Variants in BABAM1 observed in about 807,000 individuals in gnomAD.
BABAM1 encodes BRISC and BRCA1-A complex member 1.
BABAM1 carries 14 observed loss-of-function variants against 34.4 expected under a neutral mutation model. That is an observed-to-expected ratio of 0.41 (90% CI 0.27 to 0.64). The LOEUF (loss-of-function observed/expected upper bound fraction) is 0.64, where lower values mean the gene tolerates loss of function less well. Among genes scored for constraint, BABAM1 ranks in the 30% least tolerant of loss-of-function variants. The probability of loss-of-function intolerance (pLI) is 0.34; values close to 1 mark genes in which losing one functional copy is unlikely to be tolerated. For synonymous variants in BABAM1, 169 were observed against 165.8 expected (o/e 1.02, Z -0.15); for missense variants, 393 against 434.0 (o/e 0.91, Z 0.84).
Position 17,278,864 on chromosome 19 carries a change from G to A in BABAM1, c.806G>A (p.Gly269Asp), listed in dbSNP as rs746072916. 3 of 1,613,010 alleles carry A rather than the reference G, an allele frequency of 1.9e-6. No homozygotes were observed. The highest frequency in any genetic ancestry group is 2.2e-5 in the South Asian group (2 of 90,848). ...MSWKDMFAFM[G>D]SLDTKGTSYK... ...CGGCAGGATATGTTTGCCTTCATGG[G>A]CAGCCTGGATACCAAGGGTACCAGC... Residue 269 changes from glycine to aspartate, a missense_variant, in exon 9 of 9, where the codon GGC becomes GAC. Physicochemically the swap from Gly to Asp is moderately conservative, Grantham distance 94 (BLOSUM62 -1). Transcript: ENST00000598188.
Position 17,278,870 on chromosome 19 carries a change from T to C in BABAM1, c.812T>C (p.Leu271Pro). The change falls in exon 9 of 9, where the codon CTG (leucine) becomes CCG (proline). Residue 271 changes from leucine (L) to proline (P), a missense_variant. Leu to Pro is a moderately conservative substitution (Grantham distance 98, BLOSUM62 -3). Coordinates refer to ENST00000598188, the MANE Select transcript of BABAM1 (RefSeq NM_014173.4). ...GATATGTTTGCCTTCATGGGCAGCC[T>C]GGATACCAAGGGTACCAGCTACAAG... ...WKDMFAFMGS[L>P]DTKGTSYKYE... The C allele has an allele frequency of 2.5e-6, 4 of 1,613,374 alleles. No individual in the cohort carries two copies. Among genetic ancestry groups the C allele is most frequent in the Non-Finnish European group, 3.4e-6 (4 of 1,179,744 alleles).
chr19:17,275,933 C>A, intron 6 of BABAM1, 108 bp downstream of exon 6: 2 of 1,262,098 alleles, frequency 1.6e-6, no homozygotes, highest in Non-Finnish European at 1.2e-6. Flanking sequence ...AAAGCCTCCT[C>A]CCTTCCTACC....
At chr19:17,273,806 A>G in intron 3 of BABAM1, 98 bp from the exon 4 acceptor site, 1 of 1,434,130 alleles carries the variant, frequency 7.0e-7, no homozygotes, top group South Asian at 1.4e-5. Context: ...CTCGTGATCC[A>G]CCTGCCTCAG....
intron 5 of BABAM1, 37 bp from the exon 6 acceptor site, chr19:17,275,764 C>A: frequency 6.2e-7 from 1 of 1,613,406 alleles, no homozygotes. Context: ...CCCGCTCACT[C>A]GTGCTCTACT....
At chr19:17,276,662 C>T in intron 7 of BABAM1, 38 bp downstream of exon 7, 2 of 1,580,572 alleles carry the variant, frequency 1.3e-6, no homozygotes, top group Non-Finnish European at 1.7e-6. Context: ...TGCCTGCAGC[C>T]ATGAGGATGG....
At chr19:17,276,683 C>A (rs1255220351) in intron 7 of BABAM1, 59 bp downstream of exon 7, 2 of 1,566,584 alleles carry the variant, frequency 1.3e-6, no homozygotes, top group Non-Finnish European at 1.7e-6. Flanking sequence ...TGGTTAGACA[C>A]CAGGAGGGAC....
In BABAM1 at chr19:17,274,035, G is replaced by C; in HGVS notation, c.465+11G>C. ...GATGACACGGCCTGGGTGAGGCTGC[G>C]GCAGGCGCTGGGTGCCCTGGGGTCC... On this transcript the variant is annotated intron_variant, in intron 4 of 8. Coordinates refer to ENST00000598188, the MANE Select transcript of BABAM1 (RefSeq NM_014173.4). The C allele has an allele frequency of 1.9e-6, 3 of 1,613,856 alleles. No individual in the cohort carries two copies. Among genetic ancestry groups the C allele is most frequent in the Non-Finnish European group, 2.5e-6 (3 of 1,179,836 alleles).
At chr19:17,269,508 G>A (rs973669755) in intron 2 of BABAM1, among the ~76,000 whole-genome samples, 6 of 151,460 alleles carry the variant, frequency 4.0e-5, no homozygotes, top group African/African-American at 1.2e-4. Context: ...CCACCACAAC[G>A]CCCGGCTAAT....
intron 2 of BABAM1, among the ~76,000 whole-genome samples, chr19:17,270,010 A>G (rs1402543832): frequency 6.6e-5 from 10 of 150,552 alleles, no homozygotes; most frequent in Non-Finnish European, 1.5e-4. Context: ...GGCTCACTGC[A>G]AGCTCTGCCT....
intron 3 of BABAM1, among the ~76,000 whole-genome samples, chr19:17,272,398 C>T (rs1003746983): frequency 6.6e-6 from 1 of 151,572 alleles, no homozygotes; most frequent in Non-Finnish European, 1.5e-5. Context: ...GAGCGAGACC[C>T]TGTCCCTTTT....
At position 17,269,100 on chromosome 19, in the gene BABAM1, AGG is replaced by A; in HGVS notation, c.285+13_285+14del. The A allele has an allele frequency of 6.3e-7, 1 of 1,591,090 alleles. No homozygotes were observed. Among genetic ancestry groups the A allele is most frequent in the South Asian group, 1.1e-5 (1 of 88,468 alleles). ...ACTGTCCAGAGAAAGTGGTAAGTAG[AGG>A]GGGTGGCCTGGGGCTCTGAGATGCT... On this transcript the variant is annotated intron_variant, in intron 2 of 8. Transcript: ENST00000598188.
intron 2 of BABAM1, among the ~76,000 whole-genome samples, chr19:17,269,422 C>T (rs1255396285): frequency 2.7e-5 from 4 of 146,564 alleles, no homozygotes; most frequent in Non-Finnish European, 4.4e-5. Flanking sequence ...ACGATCTTGG[C>T]TCACTGCAAC....
chr19:17,276,831 C>G lies in BABAM1; in HGVS notation c.708C>G (p.Phe236Leu). Residue 236 changes from phenylalanine (F) to leucine (L), a missense_variant, in exon 8 of 9, where the codon TTC (phenylalanine) becomes TTG (leucine). Phe to Leu is a conservative substitution (Grantham distance 22). Coordinates refer to ENST00000598188, the MANE Select transcript of BABAM1 (RefSeq NM_014173.4). ...FSLTEPMKKM[F>L]QCPYFFFDVV... ...CTTTACTTCCCCTGCAGAAAATGTT[C>G]CAGTGCCCATATTTCTTCTTTGACG... 3 of 1,603,760 alleles carry G rather than the reference C, an allele frequency of 1.9e-6. No individual in the cohort carries two copies. The highest frequency in any genetic ancestry group is 2.6e-6 in the Non-Finnish European group (3 of 1,175,118).
intron 8 of BABAM1, 133 bp from the exon 9 acceptor site, chr19:17,278,712 G>T: frequency 1.2e-6 from 1 of 800,164 alleles, no homozygotes. Context: ...GTTTCTGCTT[G>T]GCAAACTCCT....
chr19:17,274,069 C>A, intron 4 of BABAM1, 38 bp from the exon 5 acceptor site: 1 of 1,613,750 alleles, frequency 6.2e-7, no homozygotes, highest in African/African-American at 1.3e-5. Context: ...CCCCTGGGGC[C>A]CGGGGAGCAT....
At chr19:17,270,524 C>CTTTTT (rs955870596) in intron 2 of BABAM1, among the ~76,000 whole-genome samples, 7 of 125,880 alleles carry the variant, frequency 5.6e-5, no homozygotes, top group Non-Finnish European at 6.6e-5. Flanking sequence ...AGGTCACATT[C>CTTTTT]TTTTTTTTTT....
At position 17,276,484 on chromosome 19, in the gene BABAM1, C is replaced by A; in HGVS notation, c.570-11C>A. The A allele has an allele frequency of 6.3e-7, 1 of 1,587,250 alleles. No individual in the cohort carries two copies. The highest frequency in any genetic ancestry group is 2.3e-5 in the East Asian group (1 of 43,030). On this transcript the variant is annotated splice_polypyrimidine_tract_variant and intron_variant, in intron 6 of 8. Transcript: ENST00000598188. ...GGCTGCTCTGACTGCTCCCTCCTCCCGGGTATGCAGCCAGCAGAAAACTGA... is the reference window on the plus strand; with the variant it reads ...GGCTGCTCTGACTGCTCCCTCCTCCAGGGTATGCAGCCAGCAGAAAACTGA...
Position 17,274,001 on chromosome 19 carries a change from G to A in BABAM1, c.442G>A (p.Val148Met). The change falls in exon 4 of 9, where the codon GTG (valine) becomes ATG (methionine). Residue 148 changes from valine to methionine, a missense_variant. By Grantham distance (21) the Val-to-Met change is conservative. Transcript: ENST00000598188. ...IDKSHEFALV[V>M]VNDDTAWLSG... ...CAAAAGCCACGAGTTTGCACTGGTGGTGGTGAACGATGACACGGCCTGGGT... is the reference window on the plus strand; with the variant it reads ...CAAAAGCCACGAGTTTGCACTGGTGATGGTGAACGATGACACGGCCTGGGT... The A allele has an allele frequency of 4.3e-6, 7 of 1,613,988 alleles. No homozygotes were observed. The highest frequency in any genetic ancestry group is 1.3e-5 in the African/African-American group (1 of 75,052).
intron 5 of BABAM1, among the ~76,000 whole-genome samples, chr19:17,275,343 TGCA>T (rs1448129211): frequency 3.3e-5 from 5 of 151,924 alleles, no homozygotes; most frequent in Non-Finnish European, 5.9e-5. Context: ...CAGGCTGGAG[TGCA>T]GTGGCACGAT....
Sources: gnomAD v4.1 joint callset for allele counts (sites outside exome capture counted in the v4.1 genomes callset) on GRCh38, gnomAD v4.1.1 for gene constraint, MANE v1.5 for transcripts, NCBI Gene and HGNC (gene_info 2026-07-23, HGNC 2026-07-21) for gene names.